TYK2: variants seen among roughly 807,000 people sequenced by gnomAD.
The protein encoded by TYK2 is non-receptor tyrosine-protein kinase TYK2.
Under a neutral mutation model 130.9 loss-of-function variants are expected in TYK2, and 65 were observed. The observed-to-expected ratio is 0.50, with a 90% CI of 0.41 to 0.61. The LOEUF is 0.61. TYK2 is among the 20% of genes least tolerant of loss of function. TYK2 has a pLI of 0.00. For synonymous variants in TYK2, 647 were observed against 658.9 expected (o/e 0.98, Z 0.28); for missense variants, 1,378 against 1,610.7 (o/e 0.86, Z 2.47).
At chr19:10,370,546 A>G (rs975655950) in intron 3 of TYK2, among the ~76,000 whole-genome samples, 2 of 146,980 alleles carry the variant, frequency 1.4e-5, no homozygotes, top group East Asian at 2.0e-4. Flanking sequence ...GGCTGGGTGC[A>G]GTGGCCCATG....
Position 10,353,042 on chromosome 19 carries a change from G to A in TYK2, c.3084C>T (p.Asn1028=). 2 of 1,594,350 alleles carry A rather than the reference G, an allele frequency of 1.3e-6. No homozygotes were observed. The change falls in exon 22 of 25, where the codon AAC becomes AAT. Residue 1028 remains asparagine, a synonymous_variant. Transcript: ENST00000525621. The surrounding 1 kb of genome is among the most constrained non-coding windows in gnomAD (Gnocchi z 6.9). Reference sequence around the variant, plus strand: ...CCAGCCTGTCGTTGTCCAGCAGCACGTTGCGCGCGGCTAGGTCTCGGTGGA... The same window carrying A: ...CCAGCCTGTCGTTGTCCAGCAGCACATTGCGCGCGGCTAGGTCTCGGTGGA... ...HYIHRDLAAR[N]VLLDNDRLVK...
rs569789575 is a variant in TYK2 at position 10,373,081 on chromosome 19, G to A, written c.194-4663C>T. Among the ~76,000 whole-genome samples the A allele has an allele frequency of 2.7e-5, 4 of 150,314 alleles. No individual in the cohort carries two copies. The East Asian group carries it at 7.8e-4, about 29-fold the overall frequency. On this transcript the variant is annotated intron_variant, in intron 3 of 24. Transcript: ENST00000525621. ...ATAGAGTTTTTGCTCTTGTTGCCCA[G>A]GCTGGAGTGCAGTGGCGTGATCTCG...
At position 10,357,833 on chromosome 19, in the gene TYK2, C is replaced by T; in HGVS notation, c.2397G>A (p.Gly799=). The change falls in exon 17 of 25, where the codon GGG becomes GGA. Residue 799 remains glycine (G), a synonymous_variant. Transcript: ENST00000525621. The part of the protein sequence containing the change: ...NSLSTAMDKW[G]FGATLLEICF... ...AGATCTCCAGGAGGGTGGCGCCAAA[C>T]CCCCACTTGTCCATGGCGGTGCTTA... 2 of 1,613,598 alleles carry T rather than the reference C, an allele frequency of 1.2e-6. No individual in the cohort carries two copies. Among genetic ancestry groups the T allele is most frequent in the Non-Finnish European group, 8.5e-7 (1 of 1,179,982 alleles).
chr19:10,364,904 C>A lies in TYK2; in HGVS notation c.1156G>T (p.Val386Leu), dbSNP rs55956017. 1 of 1,614,212 alleles carries A rather than the reference C, an allele frequency of 6.2e-7. No individual in the cohort carries two copies. The highest frequency in any genetic ancestry group is 2.2e-5 in the East Asian group (1 of 44,890). The change falls in exon 8 of 25, where the codon GTG (valine) becomes TTG (leucine). Residue 386 changes from valine (V) to leucine (L), a missense_variant. Val to Leu is a conservative substitution (Grantham distance 32). Coordinates refer to ENST00000525621, the MANE Select transcript of TYK2 (RefSeq NM_003331.5). This position sits in a 1 kb window ranked among gnomAD's most constrained non-coding sequence, Gnocchi z 4.9. ...YFCDFRDITH[V>L]VLKEHCVSIH... ...CTGACACAGTGCTCTTTCAGCACCA[C>A]GTGGGTGATGTCCCGGAAGTCACAG...
Position 10,353,864 on chromosome 19 carries a change from C to A in TYK2, c.2908+178G>T. The stretch of plus-strand genomic sequence containing the variant: ...TCCATCCTGGCCCCAGCAGGTAGCA[C>A]CCCCCAGATGGGAAGGAGGCAGCCC... On this transcript the variant is annotated intron_variant, in intron 20 of 24. Transcript: ENST00000525621. The surrounding 1 kb of genome is among the most constrained non-coding windows in gnomAD (Gnocchi z 6.9). 1.3e-6 allele frequency: 1 copy of A among 748,064 alleles called. No individual in the cohort carries two copies. The allele number at this position is 748,064 out of a possible 1,614,324, so 46.3% of individuals were successfully genotyped here.
intron 3 of TYK2, among the ~76,000 whole-genome samples, chr19:10,372,484 A>ATATATATATATATTTTT (rs1390400916): frequency 2.7e-5 from 1 of 37,438 alleles, no homozygotes; most frequent in Non-Finnish European, 4.5e-5. Flanking sequence ...ATATATATAT[A>ATATATATATATATTTTT]TTTTTTTTTT....
At chr19:10,360,492 A>G (rs866747586) in intron 14 of TYK2, among the ~76,000 whole-genome samples, 3 of 152,078 alleles carry the variant, frequency 2.0e-5, no homozygotes, top group Non-Finnish European at 4.4e-5. Flanking sequence ...GGGAGACCCT[A>G]GTCTCACAAA....
chr19:10,355,760 G>C (rs1481306027), intron 18 of TYK2, among the ~76,000 whole-genome samples: 12 of 149,420 alleles, frequency 8.0e-5, no homozygotes. Context: ...TCAAGAGACT[G>C]AGACCATCCT....
At chr19:10,376,007 C>CTT (rs898207480) in intron 3 of TYK2, among the ~76,000 whole-genome samples, 46 of 134,624 alleles carry the variant, frequency 3.4e-4, no homozygotes, top group Non-Finnish European at 5.1e-4. Flanking sequence ...GCCTTTCTTT[C>CTT]TTTTTTTTTT....
intron 3 of TYK2, among the ~76,000 whole-genome samples, chr19:10,377,542 G>A (rs113039965): frequency 4.7e-5 from 6 of 128,594 alleles, no homozygotes; most frequent in South Asian, 2.8e-4. Context: ...ATGGATGGAT[G>A]GATGGGTGGG....
intron 3 of TYK2, among the ~76,000 whole-genome samples, chr19:10,372,876 C>A (rs1365149517): frequency 6.6e-6 from 1 of 151,854 alleles, no homozygotes; most frequent in Non-Finnish European, 1.5e-5. Flanking sequence ...CCCTGTGAAA[C>A]AATATATATT....
At chr19:10,355,353 T>C (rs1345776289) in intron 18 of TYK2, among the ~76,000 whole-genome samples, 2 of 151,526 alleles carry the variant, frequency 1.3e-5, no homozygotes, top group African/African-American at 4.9e-5. Flanking sequence ...GAAAATGGCA[T>C]ATTAGGCCGG....
chr19:10,352,982 C>A lies in TYK2; in HGVS notation c.3144G>T (p.Val1048=), dbSNP rs753799049. The change falls in exon 22 of 25, where the codon GTG becomes GTT. Residue 1048 remains valine, a synonymous_variant. Transcript: ENST00000525621. ...CGCGGTAGTACTCGTGGCCTTCGGG[C>A]ACGGCCTTGGCTAGGCCAAAGTCCC... ...KIGDFGLAKA[V]PEGHEYYRVR... The A allele has an allele frequency of 2.5e-6, 4 of 1,606,798 alleles. No individual in the cohort carries two copies. The highest frequency in any genetic ancestry group is 2.6e-6 in the Non-Finnish European group (3 of 1,176,398).
In TYK2 at chr19:10,357,444, C is replaced by T. The variant is rs1037029024; in HGVS notation, c.2466+320G>A. 3 of 694,578 alleles carry T rather than the reference C, an allele frequency of 4.3e-6. No individual in the cohort carries two copies. In the East Asian group the frequency reaches 8.1e-5, roughly 19 times the overall value. The allele number at this position is 694,578 out of a possible 1,614,324, so 43.0% of individuals were successfully genotyped here. On this transcript the variant is annotated intron_variant, in intron 17 of 24. Coordinates refer to ENST00000525621, the MANE Select transcript of TYK2 (RefSeq NM_003331.5). ...CTTTGGGAAGCCTTGTCTGACCCCA[C>T]TGCTGGGTGAGGCGCATCCTCAGCC... is the stretch of plus-strand genomic sequence containing the variant.
chr19:10,374,311 C>T lies in TYK2; in HGVS notation c.193+3903G>A, dbSNP rs1482201021. Among the ~76,000 whole-genome samples the T allele has an allele frequency of 5.3e-5, 8 of 151,108 alleles. 1 individual carries two copies. The highest frequency in any genetic ancestry group is 7.4e-5 in the Non-Finnish European group (5 of 67,894). On this transcript the variant is annotated intron_variant, in intron 3 of 24. Transcript: ENST00000525621. The stretch of plus-strand genomic sequence containing the variant: ...ACAAAGAATCAGCCATGGCCAGGCT[C>T]GAGGGTGCACACTTGTAATCCCAAC...
At chr19:10,378,848 TTATC>T (rs1203904761) in intron 2 of TYK2, among the ~76,000 whole-genome samples, 3 of 120,906 alleles carry the variant, frequency 2.5e-5, no homozygotes, top group Non-Finnish European at 5.6e-5. Context: ...TTATCTTATC[TTATC>T]TTATCTTATC....
intron 7 of TYK2, 127 bp downstream of exon 7, chr19:10,365,390 G>A: frequency 7.0e-7 from 1 of 1,422,462 alleles, no homozygotes. Context: ...CTAGCGGACA[G>A]GTGCCCCAGA....
chr19:10,367,789 G>A (rs896837759), intron 5 of TYK2, among the ~76,000 whole-genome samples: 42 of 151,592 alleles, frequency 2.8e-4, no homozygotes, highest in African/African-American at 8.2e-4. Context: ...GCATGGTGGC[G>A]GGCGCCTGTA....
At chr19:10,365,431 C>T in intron 7 of TYK2, 86 bp downstream of exon 7, 1 of 1,596,280 alleles carries the variant, frequency 6.3e-7, no homozygotes, top group Non-Finnish European at 8.5e-7. Context: ...AGGTCAGCCA[C>T]CCTCAGAGGC....
Sources: gnomAD v4.1 joint callset for allele counts (sites outside exome capture counted in the v4.1 genomes callset) on GRCh38, gnomAD v4.1.1 for gene constraint, Gnocchi (gnomAD v3.1) non-coding constraint, MANE v1.5 for transcripts, NCBI Gene and HGNC (gene_info 2026-07-23, HGNC 2026-07-21) for gene names.